ITIH3: variants seen among roughly 807,000 people sequenced by gnomAD.
ITIH3 encodes the protein inter-alpha-trypsin inhibitor heavy chain 3.
Under a neutral mutation model 96.5 loss-of-function variants are expected in ITIH3, and 81 were observed. That is an observed-to-expected ratio of 0.84 (90% CI 0.70 to 1.01). ITIH3 has a LOEUF of 1.01. Among genes scored for constraint, ITIH3 ranks in the 50% least tolerant of loss-of-function variants. The pLI is 0.00. For missense variants in ITIH3, 1,057 were observed against 1,139.3 expected (o/e 0.93, Z 1.04); for synonymous variants, 422 against 445.2 (o/e 0.95, Z 0.66).
intron 6 of ITIH3, chr3:52,798,745 G>C (rs768901670): frequency 3.5e-6 from 2 of 572,392 alleles, no homozygotes; most frequent in Non-Finnish European, 6.2e-6. Flanking sequence ...TGCTCAGAAA[G>C]GCCGGAGCGT....
In ITIH3 at chr3:52,800,562, T is replaced by A; in HGVS notation, c.1100T>A (p.Leu367Gln). The A allele has an allele frequency of 2.6e-6, 4 of 1,558,628 alleles. No individual in the cohort carries two copies. The highest frequency in any genetic ancestry group is 3.5e-6 in the Non-Finnish European group (4 of 1,150,868). ...GTGACCAACATCAATGACGGGCTGC[T>A]GAGGGGCATCAGTATGCTGAACAAG... is the stretch of plus-strand genomic sequence containing the variant. Reference protein sequence around the residue: ...KGMTNINDGLLRGISMLNKAR... With the variant: ...KGMTNINDGLQRGISMLNKAR... Residue 367 changes from leucine (L) to glutamine (Q), a missense_variant, in exon 10 of 22, where the codon CTG (leucine) becomes CAG (glutamine). Coordinates refer to ENST00000449956, the MANE Select transcript of ITIH3 (RefSeq NM_002217.4).
At chr3:52,799,608 G>A in intron 8 of ITIH3, 120 bp downstream of exon 8, 1 of 1,074,776 alleles carries the variant, frequency 9.3e-7, no homozygotes, top group Non-Finnish European at 1.3e-6. Context: ...CAGGATAAGA[G>A]AAGGCTCACG....
chr3:52,802,997 C>T (rs1422979318), intron 13 of ITIH3, among the ~76,000 whole-genome samples, 191 bp downstream of exon 13: 1 of 152,236 alleles, frequency 6.6e-6, no homozygotes, highest in African/African-American at 2.4e-5. Context: ...GCTGGCAAGT[C>T]CCCTGGCCAG....
At position 52,797,281 on chromosome 3, in the gene ITIH3, C is replaced by T. The variant is rs770061222; in HGVS notation, c.549+14C>T. ...AAACACTTTGAGGTAATCAACCGCCCCTGCAGACCTGGGGGGACGGCAGCG... is the reference window on the plus strand; with the variant it reads ...AAACACTTTGAGGTAATCAACCGCCTCTGCAGACCTGGGGGGACGGCAGCG... On this transcript the variant is annotated intron_variant, in intron 5 of 21. Transcript: ENST00000449956. 1.3e-6 allele frequency: 2 copies of T among 1,593,822 alleles called. No individual in the cohort carries two copies. The highest frequency in any genetic ancestry group is 1.7e-6 in the Non-Finnish European group (2 of 1,169,330).
chr3:52,796,803 G>C lies in ITIH3; in HGVS notation c.346G>C (p.Glu116Gln). The change falls in exon 4 of 22, where the codon GAA becomes CAA. Residue 116 changes from glutamate (E) to glutamine (Q), a missense_variant. Transcript: ENST00000449956. ...KEKEVAKKQY[E>Q]KAVSQGKTAG... ...GAAGGAAGTTGCCAAGAAGCAGTAT[G>C]AAAAGGCTGTGTCCCAGGGCAAGAC... 3.7e-6 allele frequency: 6 copies of C among 1,612,684 alleles called. No individual in the cohort carries two copies. Among genetic ancestry groups the C allele is most frequent in the Non-Finnish European group, 5.1e-6 (6 of 1,179,434 alleles).
At chr3:52,804,639 G>A (rs558323123) in intron 14 of ITIH3, 87 bp from the exon 15 acceptor site, 61 of 1,464,646 alleles carry the variant, frequency 4.2e-5, no homozygotes, top group Middle Eastern at 1.7e-4. Context: ...AGGGCTGGTC[G>A]GCCAAGCAGC....
At position 52,799,908 on chromosome 3, in the gene ITIH3, G is replaced by A. The variant is rs190237910; in HGVS notation, c.1062G>A (p.Met354Ile). Residue 354 changes from methionine to isoleucine, a missense_variant, in exon 9 of 22, where the codon ATG (methionine) becomes ATA (isoleucine). By Grantham distance (10) the Met-to-Ile change is conservative. Transcript: ENST00000449956. The part of the protein sequence containing the change: ...LQEARTFVKS[M>I]EDKGMTNIND... ...AGGCCAGGACGTTTGTGAAGAGCAT[G>A]GAGGATAAAGGAAGTAAGAGCGGAG... 274 of 1,613,624 alleles carry A rather than the reference G, an allele frequency of 1.7e-4. No individual in the cohort carries two copies. In the African/African-American group the frequency reaches 3.2e-3, roughly 19 times the overall value.
chr3:52,800,511 C>T (rs1301375431), intron 9 of ITIH3, 27 bp from the exon 10 acceptor site: 3 of 1,550,388 alleles, frequency 1.9e-6, no homozygotes, highest in South Asian at 1.2e-5. Flanking sequence ...GGACACCCTC[C>T]CACGGTGCTG....
chr3:52,802,082 C>T, intron 11 of ITIH3: 2 of 450,972 alleles, frequency 4.4e-6, no homozygotes, highest in Non-Finnish European at 7.8e-6. Flanking sequence ...GAACTCTGTC[C>T]TTTCATATTT....
chr3:52,803,307 T>TTTA (rs1699909927), intron 13 of ITIH3, among the ~76,000 whole-genome samples: 1 of 120,836 alleles, frequency 8.3e-6, no homozygotes, highest in South Asian at 2.7e-4. Flanking sequence ...TATTTATTTA[T>TTTA]TTTATTTTAT....
At chr3:52,801,200 C>A (rs1699819897) in intron 11 of ITIH3, 54 bp downstream of exon 11, 1 of 1,422,164 alleles carries the variant, frequency 7.0e-7, no homozygotes, top group Non-Finnish European at 9.4e-7. Context: ...CTTCCTCAGA[C>A]AGCTGCTCCA....
At chr3:52,805,487 G>A in intron 15 of ITIH3, 1 of 1,155,380 alleles carries the variant, frequency 8.7e-7, no homozygotes. Context: ...CCAACTAGGG[G>A]GTGGGAAGCC....
In ITIH3 at chr3:52,796,475, C is replaced by T. The variant is rs956041530; in HGVS notation, c.115-6C>T. On this transcript the variant is annotated splice_polypyrimidine_tract_variant and splice_region_variant and intron_variant, in intron 2 of 21. Transcript: ENST00000449956. The stretch of plus-strand genomic sequence containing the variant: ...TCTGGCTGATTCTCCACCCACCTCC[C>T]CAAAGGTGGCCAATGGCATCGAGGT... The T allele has an allele frequency of 1.6e-5, 26 of 1,610,528 alleles. No homozygotes were observed. In the Admixed American group the frequency reaches 3.5e-4, roughly 22 times the overall value.
intron 15 of ITIH3, chr3:52,805,055 T>G: frequency 3.3e-6 from 1 of 307,278 alleles, no homozygotes. Flanking sequence ...GAGGGCCCTT[T>G]TATGATCCCC....
chr3:52,807,160 G>A, intron 19 of ITIH3, 55 bp downstream of exon 19: 1 of 1,434,688 alleles, frequency 7.0e-7, no homozygotes, highest in Non-Finnish European at 9.6e-7. Flanking sequence ...GTCTAAGGAG[G>A]CTCTTGAGGG....
rs1578765215 is a variant in ITIH3 at position 52,808,773 on chromosome 3, A to G, written c.*92A>G. On this transcript the variant is annotated 3_prime_UTR_variant, in exon 22 of 22. Coordinates refer to ENST00000449956, the MANE Select transcript of ITIH3 (RefSeq NM_002217.4). ...AGAGGGGCCTGTGGGAGGGGCTGGG[A>G]AAATAAAGTCCAAGGTCGAGACCAG... is the stretch of plus-strand genomic sequence containing the variant. 1 of 1,506,810 alleles carries G rather than the reference A, an allele frequency of 6.6e-7. No homozygotes were observed. Among genetic ancestry groups the G allele is most frequent in the Non-Finnish European group, 9.2e-7 (1 of 1,091,908 alleles). The allele number at this position is 1,506,810 out of a possible 1,614,324, so 93.3% of individuals were successfully genotyped here.
chr3:52,797,032 C>A, intron 4 of ITIH3, 73 bp from the exon 5 acceptor site: 1 of 1,521,442 alleles, frequency 6.6e-7, no homozygotes, highest in South Asian at 1.2e-5. Context: ...AAGGGCTGGG[C>A]CTGGGGCCGA....
chr3:52,807,653 T>C (rs1355448517), intron 19 of ITIH3, 94 bp from the exon 20 acceptor site: 22 of 1,194,616 alleles, frequency 1.8e-5, no homozygotes, highest in Non-Finnish European at 2.5e-5. Flanking sequence ...TCGGGTGCCA[T>C]GTACAGGGGA....
chr3:52,804,635 G>A (rs1699970540), intron 14 of ITIH3, 91 bp from the exon 15 acceptor site: 2 of 1,427,446 alleles, frequency 1.4e-6, no homozygotes, highest in Admixed American at 2.0e-5. Flanking sequence ...GCCTAGGGCT[G>A]GTCGGCCAAG....
Sources: gnomAD v4.1 joint callset for allele counts (sites outside exome capture counted in the v4.1 genomes callset) on GRCh38, gnomAD v4.1.1 for gene constraint, MANE v1.5 for transcripts, NCBI Gene and HGNC (gene_info 2026-07-23, HGNC 2026-07-21) for gene names.